The following AVEN variants were observed in gnomAD, a reference collection of about 807,000 sequenced individuals.
The protein encoded by AVEN is cell death regulator Aven.
In AVEN, 41 loss-of-function variants were observed where a neutral mutation model predicts 38.1. That is an observed-to-expected ratio of 1.08 (90% CI 0.84 to 1.40). The LOEUF is 1.40. Ranked by LOEUF, AVEN falls within the 40% of genes most tolerant of loss-of-function variation. The pLI is 0.00. For synonymous variants in AVEN, 206 were observed against 171.8 expected (o/e 1.20, Z -1.56); for missense variants, 605 against 438.8 (o/e 1.38, Z -3.38).
intron 2 of AVEN, among the ~76,000 whole-genome samples, chr15:33,917,236 A>C (rs1353146273): frequency 6.6e-6 from 1 of 152,094 alleles, no homozygotes; most frequent in Non-Finnish European, 1.5e-5. Context: ...CCCAGAGGAA[A>C]AGTAATCATA....
rs1314372220 is a variant in AVEN at position 34,063,128 on chromosome 15, A to C, written n.1431T>G. The C allele has an allele frequency of 6.2e-7, 1 of 1,614,124 alleles. No homozygotes were observed. Among genetic ancestry groups the C allele is most frequent in the Non-Finnish European group, 8.5e-7 (1 of 1,180,018 alleles). On this transcript the variant is annotated non_coding_transcript_exon_variant, in exon 5 of 12. Coordinates refer to the AVEN transcript ENST00000675287. This position sits in a 1 kb window ranked among gnomAD's most constrained non-coding sequence, Gnocchi z 4.1. ...ACTTTTCCATCACAAGACCCTTGAC[A>C]TATCGGGCCAAGCGTACTCCGAAAA...
chr15:34,002,802 C>G (rs902255668), intron 2 of AVEN, among the ~76,000 whole-genome samples: 1 of 152,172 alleles, frequency 6.6e-6, no homozygotes, highest in Non-Finnish European at 1.5e-5. Context: ...AGCCTTTTAT[C>G]TATCGCAAAG....
intron 2 of AVEN, among the ~76,000 whole-genome samples, chr15:33,984,066 G>A (rs2140537493): frequency 6.6e-6 from 1 of 152,210 alleles, no homozygotes; most frequent in South Asian, 2.1e-4. Flanking sequence ...AAGAATAAAT[G>A]TAATGTGGTA....
At chr15:33,878,913 G>C (rs1891365104) in intron 2 of AVEN, among the ~76,000 whole-genome samples, 1 of 152,180 alleles carries the variant, frequency 6.6e-6, no homozygotes, top group South Asian at 2.1e-4. Context: ...GCCTTATTCA[G>C]TGTTGTTTTT....
intron 5 of AVEN, among the ~76,000 whole-genome samples, chr15:34,055,647 A>G (rs1287601904): frequency 6.7e-6 from 1 of 148,314 alleles, no homozygotes; most frequent in Non-Finnish European, 1.5e-5. Flanking sequence ...TAAAAATACA[A>G]AAAATTAGCC....
intron 11 of AVEN, chr15:33,859,539 AC>A (rs1465346928): frequency 2.1e-5 from 34 of 1,611,782 alleles, no homozygotes; most frequent in Non-Finnish European, 2.9e-5. Flanking sequence ...CAGAACTGTG[AC>A]TTTTGCCTAA....
intron 2 of AVEN, among the ~76,000 whole-genome samples, chr15:33,902,940 C>A (rs1892548214): frequency 6.6e-6 from 1 of 152,194 alleles, no homozygotes; most frequent in African/African-American, 2.4e-5. Context: ...CCACCCTTCA[C>A]AACTGCTAAA....
At chr15:33,955,037 G>A (rs1267599616) in intron 2 of AVEN, among the ~76,000 whole-genome samples, 1 of 152,092 alleles carries the variant, frequency 6.6e-6, no homozygotes, top group Non-Finnish European at 1.5e-5. Flanking sequence ...TATAAAATAA[G>A]CTTGCTTTTC....
chr15:34,068,843 G>A (rs894427377), intron 2 of AVEN, among the ~76,000 whole-genome samples: 4 of 128,434 alleles, frequency 3.1e-5, no homozygotes, highest in African/African-American at 1.2e-4. Context: ...ACGGAGTCTC[G>A]CTCCTTTGCC....
chr15:34,071,814 T>C (rs550239246), intron 1 of AVEN, among the ~76,000 whole-genome samples: 37 of 152,278 alleles, frequency 2.4e-4, no homozygotes, highest in African/African-American at 8.7e-4. Flanking sequence ...GAAACTAGAC[T>C]TCCATGAATA....
intron 5 of AVEN, among the ~76,000 whole-genome samples, chr15:34,045,695 T>G (rs1047097483): frequency 8.6e-5 from 13 of 150,690 alleles, no homozygotes; most frequent in Middle Eastern, 6.8e-3. Flanking sequence ...GGCATAAAGC[T>G]TCTCATAAAA....
At chr15:33,865,468 C>G (rs866384187), downstream of AVEN, 3 of 455,508 alleles carry the variant, frequency 6.6e-6, no homozygotes, top group African/African-American at 2.0e-5. Flanking sequence ...CAAGTAATCT[C>G]TAGGCAAATG....
chr15:33,923,221 T>C (rs1893472473), intron 2 of AVEN, among the ~76,000 whole-genome samples: 1 of 152,160 alleles, frequency 6.6e-6, no homozygotes, highest in African/African-American at 2.4e-5. Context: ...AAAAAAGAAC[T>C]AGTAATGTAA....
chr15:34,018,942 A>G (rs1191639588), intron 1 of AVEN, among the ~76,000 whole-genome samples: 2 of 151,798 alleles, frequency 1.3e-5, no homozygotes, highest in Non-Finnish European at 2.9e-5. Context: ...GTTTTTTACA[A>G]TCCTTCAGCT....
At chr15:34,043,074 C>T (rs1899543589), upstream of AVEN, among the ~76,000 whole-genome samples, 3 of 151,778 alleles carry the variant, frequency 2.0e-5, no homozygotes, top group Non-Finnish European at 1.5e-5. Flanking sequence ...AGTGAAACCC[C>T]GTCTCTACTG....
chr15:33,899,342 G>A (rs1404810944), intron 2 of AVEN, among the ~76,000 whole-genome samples: 1 of 152,012 alleles, frequency 6.6e-6, no homozygotes, highest in Non-Finnish European at 1.5e-5. Flanking sequence ...AACAGCTGGA[G>A]GGTCCTCAAA....
chr15:33,859,242 C>T (rs373560482), intron 11 of AVEN: 2 of 249,112 alleles, frequency 8.0e-6, no homozygotes, highest in Admixed American at 1.0e-4. Flanking sequence ...CAGGCTAACA[C>T]TCTTAAAATT....
chr15:34,010,338 TAAAA>T lies in AVEN; in HGVS notation c.268-7133_268-7130del, dbSNP rs965999995. On this transcript the variant is annotated intron_variant, in intron 1 of 5. Coordinates refer to ENST00000306730, the MANE Select transcript of AVEN (RefSeq NM_020371.3). ...TTTCTTTCCAAAATAAATAAATAAATAAAAGAAGTTGCCAAGAGAATACTTACAG... is the reference window on the plus strand; with the variant it reads ...TTTCTTTCCAAAATAAATAAATAAATGAAGTTGCCAAGAGAATACTTACAG... 6.8e-4 allele frequency among the ~76,000 whole-genome samples: 104 copies of T among 152,180 alleles called. 2 individuals are homozygous for T. Among genetic ancestry groups the T allele is most frequent in the African/African-American group, 2.2e-3 (92 of 41,534 alleles).
chr15:33,861,125 C>A lies in AVEN; in HGVS notation n.2730-2031G>T. 5 of 1,597,946 alleles carry A rather than the reference C, an allele frequency of 3.1e-6. No homozygotes were observed. In the South Asian group the frequency reaches 5.7e-5, roughly 18 times the overall value. On this transcript the variant is annotated intron_variant and non_coding_transcript_variant, in intron 11 of 11. Transcript: ENST00000675287. ...TTGGCAATGACTACTTTGACACAAC[C>A]CCTCATGGTTTTGAAACACATACAT...
Sources: allele counts gnomAD v4.1 joint callset (sites outside exome capture counted in the v4.1 genomes callset), GRCh38; gene constraint gnomAD v4.1.1; non-coding constraint Gnocchi (gnomAD v3.1); transcripts MANE v1.5; gene names NCBI Gene and HGNC (gene_info 2026-07-23, HGNC 2026-07-21).